The following PPP2R2C variants were observed in gnomAD, a reference collection of about 807,000 sequenced individuals.
PPP2R2C encodes the protein protein phosphatase 2, regulatory subunit B, gamma.
Under a neutral mutation model 45.3 loss-of-function variants are expected in PPP2R2C, and 10 were observed. That is an observed-to-expected ratio of 0.22 (90% CI 0.14 to 0.37). The LOEUF is 0.37. Ranked by LOEUF, PPP2R2C falls within the 10% of genes least tolerant of loss-of-function variation. The pLI is 1.00. For synonymous variants in PPP2R2C, 257 were observed against 245.4 expected (o/e 1.05, Z -0.44); for missense variants, 308 against 619.7 (o/e 0.50, Z 5.34).
chr4:6,334,670 G>A (rs1426056670), intron 6 of PPP2R2C, among the ~76,000 whole-genome samples: 4 of 152,298 alleles, frequency 2.6e-5, no homozygotes, highest in South Asian at 2.1e-4. Flanking sequence ...CCCAGGGAAC[G>A]ATGGGAAGAG....
At chr4:6,394,091 A>G (rs1349860822) in intron 1 of PPP2R2C, among the ~76,000 whole-genome samples, 2 of 152,132 alleles carry the variant, frequency 1.3e-5, no homozygotes, top group Non-Finnish European at 2.9e-5. Context: ...TCTCCTAAAG[A>G]CGAAGCTTGC....
chr4:6,408,355 C>A (rs1429534619), intron 1 of PPP2R2C, among the ~76,000 whole-genome samples: 1 of 152,190 alleles, frequency 6.6e-6, no homozygotes. Flanking sequence ...ACCCCCGGTA[C>A]AGGTTCTTCA....
chr4:6,465,117 C>T (rs1044437012), intron 1 of PPP2R2C, among the ~76,000 whole-genome samples: 1 of 151,892 alleles, frequency 6.6e-6, no homozygotes, highest in Non-Finnish European at 1.5e-5. Flanking sequence ...CTTGGGATTA[C>T]ACAGAAAAGA....
chr4:6,402,804 G>A (rs7655407), intron 1 of PPP2R2C, among the ~76,000 whole-genome samples: 34,433 of 152,218 alleles, frequency 0.23, 4,514 homozygotes, highest in East Asian at 0.54. Flanking sequence ...GCTAGTGGGA[G>A]GCATTCAGGT....
At chr4:6,344,529 C>T (rs970625631) in intron 6 of PPP2R2C, among the ~76,000 whole-genome samples, 1 of 152,180 alleles carries the variant, frequency 6.6e-6, no homozygotes, top group African/African-American at 2.4e-5. Context: ...AAAAATGTCA[C>T]ACAAACATTG....
At chr4:6,505,381 A>T (rs1350083668) in intron 2 of PPP2R2C, among the ~76,000 whole-genome samples, 2 of 152,264 alleles carry the variant, frequency 1.3e-5, no homozygotes. Context: ...GTGGGTAAAC[A>T]TAAAAGACCA....
rs561855617 is a variant in PPP2R2C, at chr4:6,532,739, T to A, written c.49+2532A>T. The stretch of plus-strand genomic sequence containing the variant: ...TCCCAAATTAACCCAGCAGCCGCCA[T>A]CTGGATCACTGCAGCTGCCTCCTCC... On this transcript the variant is annotated intron_variant, in intron 2 of 9. Transcript: ENST00000506140. Among the ~76,000 whole-genome samples, 8 of 152,306 alleles carry A rather than the reference T, an allele frequency of 5.3e-5. No individual in the cohort carries two copies. The South Asian group carries it at 1.0e-3, about 20-fold the overall frequency.
At position 6,470,964 on chromosome 4, in the gene PPP2R2C, C is replaced by T. The variant is rs374253631; in HGVS notation, c.70+1196G>A. 4.0e-5 allele frequency among the ~76,000 whole-genome samples: 6 copies of T among 151,204 alleles called. No individual in the cohort carries two copies. The South Asian group carries it at 1.3e-3, about 32-fold the overall frequency. On this transcript the variant is annotated intron_variant, in intron 1 of 8. Transcript: ENST00000382599. ...AGGGCGCCCCGAGCCCGCCCGCGCCCGCGCTCGCGCTGCGCTCCCCGGGCC... is the reference window on the plus strand; with the variant it reads ...AGGGCGCCCCGAGCCCGCCCGCGCCTGCGCTCGCGCTGCGCTCCCCGGGCC...
In PPP2R2C at chr4:6,372,569, G is replaced by A; in HGVS notation, c.579C>T (p.Asp193=). 1 of 1,614,232 alleles carries A rather than the reference G, an allele frequency of 6.2e-7. No homozygotes were observed. The highest frequency in any genetic ancestry group is 2.2e-5 in the East Asian group (1 of 44,882). ...CCAGGTGCCAGAGGTTGATGCGCAG[G>A]TCATCCGCCGACATGTAGGTCTCGC... The part of the protein sequence containing the change: ...SDCETYMSAD[D]LRINLWHLAI... Residue 193 remains aspartate (D), a synonymous_variant, in exon 5 of 9, where the codon GAC becomes GAT. Transcript: ENST00000382599.
intron 1 of PPP2R2C, among the ~76,000 whole-genome samples, chr4:6,542,404 C>T (rs545604318): frequency 4.6e-5 from 7 of 152,088 alleles, no homozygotes; most frequent in East Asian, 1.9e-4. Context: ...TAAAAGATAA[C>T]GCGAGAATGG....
At chr4:6,336,135 A>G (rs888589726) in intron 6 of PPP2R2C, among the ~76,000 whole-genome samples, 1 of 152,098 alleles carries the variant, frequency 6.6e-6, no homozygotes, top group Non-Finnish European at 1.5e-5. Flanking sequence ...GAATGCTATC[A>G]GGCTGGCAGG....
chr4:6,384,775 G>A (rs1327743578), intron 1 of PPP2R2C: 1 of 985,340 alleles, frequency 1.0e-6, no homozygotes, highest in East Asian at 1.1e-4. Flanking sequence ...AGCCCCTGCG[G>A]GAGACACTAC....
At chr4:6,410,865 AT>A (rs1406799186) in intron 1 of PPP2R2C, among the ~76,000 whole-genome samples, 2 of 150,326 alleles carry the variant, frequency 1.3e-5, no homozygotes, top group East Asian at 1.9e-4. Flanking sequence ...TTATTTATTT[AT>A]TTATTTATTT....
chr4:6,392,222 C>T (rs1184281419), intron 1 of PPP2R2C, among the ~76,000 whole-genome samples: 3 of 152,018 alleles, frequency 2.0e-5, no homozygotes, highest in Non-Finnish European at 2.9e-5. Flanking sequence ...GTATATTCTA[C>T]CACAATAGAA....
chr4:6,541,541 G>C (rs1724802173), intron 1 of PPP2R2C, among the ~76,000 whole-genome samples: 1 of 152,034 alleles, frequency 6.6e-6, no homozygotes. Flanking sequence ...ATCATGAGTT[G>C]TTTCGTTTGT....
chr4:6,385,943 C>T (rs1451307698), intron 1 of PPP2R2C, among the ~76,000 whole-genome samples: 1 of 152,142 alleles, frequency 6.6e-6, no homozygotes, highest in African/African-American at 2.4e-5. Context: ...TCTGTGTCCA[C>T]GTTGTCTCTA....
At chr4:6,485,043 C>T (rs1722486723) in intron 2 of PPP2R2C, among the ~76,000 whole-genome samples, 1 of 151,780 alleles carries the variant, frequency 6.6e-6, no homozygotes, top group Admixed American at 6.6e-5. Context: ...AGGTTTTTCT[C>T]ATAGATGCTC....
intron 1 of PPP2R2C, among the ~76,000 whole-genome samples, chr4:6,414,623 C>A (rs1718445114): frequency 6.6e-6 from 1 of 151,454 alleles, no homozygotes; most frequent in Non-Finnish European, 1.5e-5. Flanking sequence ...GCAGGGGGTT[C>A]CTCCTGGTAT....
In PPP2R2C at chr4:6,397,195, C is replaced by T. The variant is rs190500233; in HGVS notation, c.71-16101G>A. ...CTTCCAAAGCCCACGTCCCAGTCGG[C>T]AGGACCCTCATCCTGCACAAAGCCC... On this transcript the variant is annotated intron_variant, in intron 1 of 8. Transcript: ENST00000382599. 2.7e-3 allele frequency among the ~76,000 whole-genome samples: 414 copies of T among 152,322 alleles called. 3 individuals carry two copies. The highest frequency in any genetic ancestry group is 9.4e-3 in the African/African-American group (392 of 41,568).
Sources: allele counts gnomAD v4.1 joint callset (sites outside exome capture counted in the v4.1 genomes callset), GRCh38; gene constraint gnomAD v4.1.1; transcripts MANE v1.5; gene names NCBI Gene and HGNC (gene_info 2026-07-23, HGNC 2026-07-21).